Variants in ACACA observed in about 807,000 individuals in gnomAD.
ACACA encodes the protein acetyl-CoA carboxylase alpha.
Under a neutral mutation model 296.1 loss-of-function variants are expected in ACACA, and 103 were observed. The ratio of observed to expected loss-of-function variants is 0.35; its 90% confidence interval spans 0.30 to 0.41. ACACA has a LOEUF of 0.41. Among genes scored for constraint, ACACA ranks in the 10% least tolerant of loss-of-function variants. The pLI is 1.00. For synonymous variants in ACACA, 953 were observed against 1,038.6 expected (o/e 0.92, Z 1.58); for missense variants, 1,554 against 2,989.7 (o/e 0.52, Z 11.20).
At chr17:37,388,163 A>T (rs1388882655) in intron 1 of ACACA, among the ~76,000 whole-genome samples, 2 of 152,062 alleles carry the variant, frequency 1.3e-5, no homozygotes, top group Admixed American at 1.3e-4. Flanking sequence ...GAGAAAAAAA[A>T]TGCATATTAG....
chr17:37,406,226 T>A, intron 1 of ACACA, 36 bp downstream of exon 1: 1 of 1,606,212 alleles, frequency 6.2e-7, no homozygotes, highest in Non-Finnish European at 8.5e-7. Flanking sequence ...ATTAGAATCA[T>A]CATTAACAGC....
Position 37,095,217 on chromosome 17 carries a change from G to A in ACACA, c.6891+1779C>T, listed in dbSNP as rs547313420. Among the ~76,000 whole-genome samples, 5 of 152,236 alleles carry A rather than the reference G, an allele frequency of 3.3e-5. No individual in the cohort carries two copies. The South Asian group carries it at 8.3e-4, about 25-fold the overall frequency. On this transcript the variant is annotated intron_variant, in intron 54 of 55. Coordinates refer to ENST00000616317, the MANE Select transcript of ACACA (RefSeq NM_198834.3). ...ACACACACACTCCATTTACCTAGCC[G>A]GCCACTCTTAACTGGAGGACAAACT...
intron 29 of ACACA, among the ~76,000 whole-genome samples, chr17:37,213,729 A>G (rs1382712707): frequency 6.6e-6 from 1 of 152,196 alleles, no homozygotes; most frequent in Non-Finnish European, 1.5e-5. Flanking sequence ...GGTTCCCGGC[A>G]CTAAGTCACC....
At chr17:37,390,192 TATAA>T (rs2050748591) in intron 1 of ACACA, among the ~76,000 whole-genome samples, 1 of 73,722 alleles carries the variant, frequency 1.4e-5, no homozygotes, top group Non-Finnish European at 2.3e-5. Flanking sequence ...ACACATTATA[TATAA>T]ATATATATAA....
intron 1 of ACACA, among the ~76,000 whole-genome samples, chr17:37,344,085 TA>T (rs1486072076): frequency 6.7e-6 from 1 of 149,576 alleles, no homozygotes; most frequent in South Asian, 2.1e-4. Flanking sequence ...AACAAAAAAA[TA>T]AAAAGATAAA....
At chr17:37,216,189 C>CATGTGTGTGT (rs559609131) in intron 29 of ACACA, among the ~76,000 whole-genome samples, 12 of 141,376 alleles carry the variant, frequency 8.5e-5, no homozygotes, top group Admixed American at 5.5e-4. Context: ...CATACACACA[C>CATGTGTGTGT]GTGTGTGTGT....
intron 38 of ACACA, among the ~76,000 whole-genome samples, chr17:37,189,696 T>C (rs1056647226): frequency 2.6e-5 from 4 of 152,180 alleles, no homozygotes; most frequent in African/African-American, 9.7e-5. Flanking sequence ...TGTTTTAAGT[T>C]TCCCAGCTTA....
At chr17:37,217,674 G>A (rs1043409798) in intron 29 of ACACA, among the ~76,000 whole-genome samples, 1 of 138,376 alleles carries the variant, frequency 7.2e-6, no homozygotes. Context: ...GGCAGAGCTT[G>A]CAGTGAGCCC....
rs949193478 is a variant in ACACA, at chr17:37,365,409, G to A, written c.39-25559C>T. ...GGACTAGGTATTTCTATTAGTAAGC[G>A]CTTCATTGACTGAAATAAAGATTAG... On this transcript the variant is annotated intron_variant, in intron 1 of 55. Transcript: ENST00000616317. 6 of 972,820 alleles carry A rather than the reference G, an allele frequency of 6.2e-6. No individual in the cohort carries two copies. The South Asian group carries it at 1.9e-4, about 31-fold the overall frequency. The allele number at this position is 972,820 out of a possible 1,614,324, so 60.3% of individuals were successfully genotyped here. A position where few individuals can be genotyped will look rare whatever the true frequency, so the allele number is the denominator to read the frequency against.
intron 1 of ACACA, among the ~76,000 whole-genome samples, chr17:37,386,506 C>T (rs936092697): frequency 6.6e-6 from 1 of 152,080 alleles, no homozygotes; most frequent in Non-Finnish European, 1.5e-5. Flanking sequence ...AAAGAAGAAT[C>T]GCTTGAACCC....
intron 14 of ACACA, among the ~76,000 whole-genome samples, chr17:37,253,577 A>T (rs2081093517): frequency 6.6e-6 from 1 of 152,184 alleles, no homozygotes; most frequent in Non-Finnish European, 1.5e-5. Flanking sequence ...AACTGATATT[A>T]CCATAAGAGC....
intron 1 of ACACA, among the ~76,000 whole-genome samples, chr17:37,399,660 T>C (rs144483434): frequency 6.6e-6 from 1 of 152,246 alleles, no homozygotes; most frequent in Non-Finnish European, 1.5e-5. Context: ...TTCCGCACTC[T>C]GTGTACATGA....
chr17:37,392,678 A>G (rs916850453), intron 1 of ACACA: 4 of 152,160 alleles, frequency 2.6e-5, no homozygotes, highest in Admixed American at 6.5e-5. Context: ...AAAAAAATAC[A>G]TAAACTGTAT....
chr17:37,268,727 ATCTATCTATC>A (rs1201234225), intron 10 of ACACA, among the ~76,000 whole-genome samples: 73 of 109,622 alleles, frequency 6.7e-4, no homozygotes, highest in South Asian at 2.4e-3. Flanking sequence ...CTATCTATCT[ATCTATCTATC>A]TATCTATATA....
intron 42 of ACACA, among the ~76,000 whole-genome samples, chr17:37,157,051 C>T (rs985679119): frequency 2.0e-5 from 3 of 152,032 alleles, no homozygotes; most frequent in African/African-American, 7.3e-5. Context: ...ACCTCCTACT[C>T]GGAAAGTCAG....
In ACACA at chr17:37,271,450, G is replaced by A. The variant is rs1376755826; in HGVS notation, c.1009-589C>T. Among the ~76,000 whole-genome samples, 5 of 152,194 alleles carry A rather than the reference G, an allele frequency of 3.3e-5. No individual in the cohort carries two copies. In the East Asian group the frequency reaches 7.7e-4, roughly 23 times the overall value. ...GAATCGCTTGAACCTGGGAGGTGGA[G>A]GTTGCAGTGAGCCAAGATCACGCCA... On this transcript the variant is annotated intron_variant, in intron 9 of 55. Transcript: ENST00000616317.
chr17:37,377,588 A>AGGT (rs1373488855), intron 1 of ACACA, among the ~76,000 whole-genome samples: 1 of 152,024 alleles, frequency 6.6e-6, no homozygotes, highest in Admixed American at 6.6e-5. Flanking sequence ...TGAACCCAGG[A>AGGT]GGTGAATGTT....
chr17:37,115,199 TG>T (rs2074186848), intron 50 of ACACA, among the ~76,000 whole-genome samples: 1 of 152,240 alleles, frequency 6.6e-6, no homozygotes, highest in Non-Finnish European at 1.5e-5. Context: ...ACACAACTGC[TG>T]TATGAAGAGC....
At chr17:37,401,986 G>A (rs759480710) in intron 1 of ACACA, among the ~76,000 whole-genome samples, 10 of 152,140 alleles carry the variant, frequency 6.6e-5, no homozygotes, top group Admixed American at 6.6e-5. Flanking sequence ...TCTTCGTTGG[G>A]TTCCTGGTAC....
Sources: gnomAD v4.1 joint callset for allele counts (sites outside exome capture counted in the v4.1 genomes callset) on GRCh38, gnomAD v4.1.1 for gene constraint, MANE v1.5 for transcripts, NCBI Gene and HGNC (gene_info 2026-07-23, HGNC 2026-07-21) for gene names.